The following CYP11A1 variants were observed in gnomAD, a reference collection of about 807,000 sequenced individuals.
The protein encoded by CYP11A1 is cholesterol side-chain cleavage enzyme, mitochondrial.
In CYP11A1, 25 loss-of-function variants were observed where a neutral mutation model predicts 51.9. The ratio of observed to expected loss-of-function variants is 0.48; its 90% CI spans 0.35 to 0.67. The LOEUF (loss-of-function observed/expected upper bound fraction) is 0.67. CYP11A1 is among the 30% of genes least tolerant of loss of function. The pLI is 0.00. For missense variants in CYP11A1, 578 were observed against 680.9 expected (o/e 0.85, Z 1.68); for synonymous variants, 245 against 262.1 (o/e 0.93, Z 0.63).
intron 1 of CYP11A1, chr15:74,366,277 A>ATTTT (rs759681873): frequency 1.3e-4 from 100 of 777,852 alleles, no homozygotes; most frequent in Middle Eastern, 7.2e-4. Flanking sequence ...CCCTCCCCCG[A>ATTTT]TTTTTTTTTT....
intron 1 of CYP11A1, among the ~76,000 whole-genome samples, chr15:74,354,090 T>C (rs2141241289): frequency 6.6e-6 from 1 of 152,326 alleles, no homozygotes; most frequent in East Asian, 1.9e-4. Context: ...TTCATTGCAA[T>C]GTGTTTGTTT....
At chr15:74,358,081 G>A (rs974222417) in intron 1 of CYP11A1, among the ~76,000 whole-genome samples, 3 of 152,162 alleles carry the variant, frequency 2.0e-5, no homozygotes, top group Non-Finnish European at 4.4e-5. Context: ...CTACACAAGG[G>A]TCCTCCATCT....
chr15:74,367,303 T>G lies in CYP11A1; in HGVS notation c.269+14A>C. 1.2e-6 allele frequency: 2 copies of G among 1,612,244 alleles called. No individual in the cohort carries two copies. Among genetic ancestry groups the G allele is most frequent in the Non-Finnish European group, 1.7e-6 (2 of 1,178,796 alleles). The stretch of plus-strand genomic sequence containing the variant: ...CTCCCTGTCCCTTCGGCTCCCACCC[T>G]CTGCCAGGCTTACCTGTAAATCGGG... On this transcript the variant is annotated intron_variant, in intron 1 of 8. Transcript: ENST00000268053.
intron 4 of CYP11A1, among the ~76,000 whole-genome samples, chr15:74,343,504 G>A (rs566155375): frequency 1.1e-4 from 17 of 152,288 alleles, no homozygotes; most frequent in Admixed American, 5.9e-4. Context: ...CAGCACAGCC[G>A]TGGCTCAGAC....
chr15:74,367,395 T>C lies in CYP11A1; in HGVS notation c.191A>G (p.His64Arg). 6.2e-7 allele frequency: 1 copy of C among 1,614,186 alleles called. No homozygotes were observed. Among genetic ancestry groups the C allele is most frequent in the Non-Finnish European group, 8.5e-7 (1 of 1,180,018 alleles). ...PGDNGWLNLYHFWRETGTHKV... is the reference protein window; with the variant it reads ...PGDNGWLNLYRFWRETGTHKV... ...GTGTGTGCCCGTCTCCCTCCAGAAA[T>C]GGTACAGGTTTAGCCAGCCATTGTC... is the stretch of plus-strand genomic sequence containing the variant. The change falls in exon 1 of 9, where the codon CAT (histidine) becomes CGT (arginine). Residue 64 changes from histidine (H) to arginine (R), a missense_variant. His to Arg is a conservative substitution (Grantham distance 29). Transcript: ENST00000268053.
At chr15:74,367,157 T>C in intron 1 of CYP11A1, 160 bp downstream of exon 1, 1 of 695,766 alleles carries the variant, frequency 1.4e-6, no homozygotes, top group Non-Finnish European at 2.4e-6. Context: ...ATATCCCTGA[T>C]ATATTTCTGT....
chr15:74,348,096 GA>G lies in CYP11A1; in HGVS notation c.270-42del, dbSNP rs761142013. The G allele has an allele frequency of 2.9e-5, 46 of 1,607,192 alleles. 2 individuals are homozygous for G. The South Asian group carries it at 4.4e-4, about 15-fold the overall frequency. On this transcript the variant is annotated intron_variant, in intron 1 of 8. Transcript: ENST00000268053. ...AGAGGGGCTGATGGAAGGATCCGAG[GA>G]GAGCTATGGATACAGGCTCAGCACA...
intron 6 of CYP11A1, 77 bp from the exon 7 acceptor site, chr15:74,339,392 C>A: frequency 6.7e-7 from 1 of 1,495,174 alleles, no homozygotes; most frequent in Non-Finnish European, 9.3e-7. Context: ...CCCTGTGTGG[C>A]ATCTCAGCCC....
At position 74,367,496 on chromosome 15, in the gene CYP11A1, G is replaced by C; in HGVS notation, c.90C>G (p.Leu30=). The change falls in exon 1 of 9, where the codon CTC becomes CTG. Residue 30 remains leucine (L), a synonymous_variant. Coordinates refer to ENST00000268053, the MANE Select transcript of CYP11A1 (RefSeq NM_000781.3). ...LSAPREGLGR[L]RVPTGEGAGI... is the part of the protein sequence containing the mutation. ...CAGCTCCCTCGCCAGTGGGCACCCT[G>C]AGACGCCCCAGCCCCTCCCTGGGGG... 1 of 1,614,192 alleles carries C rather than the reference G, an allele frequency of 6.2e-7. No homozygotes were observed.
intron 1 of CYP11A1, chr15:74,362,209 AT>A: frequency 2.1e-6 from 1 of 471,514 alleles, no homozygotes; most frequent in Non-Finnish European, 3.8e-6. Context: ...GTTTATGATT[AT>A]GAAATAAAAA....
chr15:74,339,797 C>A, intron 5 of CYP11A1, 44 bp from the exon 6 acceptor site: 1 of 1,605,874 alleles, frequency 6.2e-7, no homozygotes, highest in Non-Finnish European at 8.5e-7. Context: ...GGGCCTGTCA[C>A]TCCGGGGCCC....
chr15:74,338,059 C>A lies in CYP11A1; in HGVS notation c.1479G>T (p.Val493=). Residue 493 remains valine (V), a synonymous_variant, in exon 9 of 9, where the codon GTG becomes GTT. Transcript: ENST00000268053. ...FRVEIQHLSD[V]GTTFNLILMP... ...TCAGAATGAGGTTGAATGTGGTGCC[C>A]ACATCGCTGAGGTGTTGGATTTCAA... The A allele has an allele frequency of 2.5e-6, 4 of 1,614,162 alleles. No individual in the cohort carries two copies. Among genetic ancestry groups the A allele is most frequent in the Non-Finnish European group, 3.4e-6 (4 of 1,180,022 alleles).
At chr15:74,366,450 A>T (rs1292517044) in intron 1 of CYP11A1, among the ~76,000 whole-genome samples, 1 of 98,940 alleles carries the variant, frequency 1.0e-5, no homozygotes. Context: ...TGCCCGGCTA[A>T]TTTTTTTTAT....
chr15:74,345,115 C>T lies in CYP11A1; in HGVS notation c.554G>A (p.Arg185His), dbSNP rs763099365. The change falls in exon 3 of 9, where the codon CGC becomes CAC. Residue 185 changes from arginine (R) to histidine (H), a missense_variant. By Grantham distance (29) the Arg-to-His change is conservative. Coordinates refer to ENST00000268053, the MANE Select transcript of CYP11A1 (RefSeq NM_000781.3). The surrounding 1 kb of genome is among the most constrained non-coding windows in gnomAD (Gnocchi z 4.3). ...ATTTCCGGAGCCCGCCTTCTTGATG[C>T]GCCTGTGCAGGACACTGACGAAGTC... ...SRDFVSVLHR[R>H]IKKAGSGNYS... 9.9e-6 allele frequency: 16 copies of T among 1,614,024 alleles called. No individual in the cohort carries two copies. Among genetic ancestry groups the T allele is most frequent in the South Asian group, 9.9e-5 (9 of 91,070 alleles).
intron 2 of CYP11A1, 87 bp downstream of exon 2, chr15:74,347,813 G>C (rs1022508453): frequency 7.0e-6 from 10 of 1,435,596 alleles, no homozygotes; most frequent in Non-Finnish European, 9.7e-6. Flanking sequence ...GGGCAAGCCT[G>C]GCCTCAGCCC....
chr15:74,347,454 C>T (rs968197141), intron 2 of CYP11A1, among the ~76,000 whole-genome samples: 4 of 152,150 alleles, frequency 2.6e-5, no homozygotes, highest in Non-Finnish European at 4.4e-5. Context: ...ACAGTATCCA[C>T]TACACTTAAA....
intron 1 of CYP11A1, among the ~76,000 whole-genome samples, chr15:74,357,255 C>T (rs1286625942): frequency 6.6e-6 from 1 of 152,192 alleles, no homozygotes; most frequent in Non-Finnish European, 1.5e-5. Flanking sequence ...CCCTGACACC[C>T]ATCAGGCTCA....
chr15:74,339,411 G>A, intron 6 of CYP11A1, 96 bp from the exon 7 acceptor site: 11 of 1,439,328 alleles, frequency 7.6e-6, no homozygotes, highest in South Asian at 2.3e-5. Context: ...CCTAGCTGCA[G>A]CAGCCTGGGG....
chr15:74,343,692 A>G, intron 4 of CYP11A1, 97 bp downstream of exon 4: 1 of 1,127,990 alleles, frequency 8.9e-7, no homozygotes, highest in Non-Finnish European at 1.3e-6. Context: ...TGGGTTTCCT[A>G]CAGGTCAAGT....
Sources: allele counts gnomAD v4.1 joint callset (sites outside exome capture counted in the v4.1 genomes callset), GRCh38; gene constraint gnomAD v4.1.1; non-coding constraint Gnocchi (gnomAD v3.1); transcripts MANE v1.5; gene names NCBI Gene and HGNC (gene_info 2026-07-23, HGNC 2026-07-21).